The following GPR75 variants were observed in gnomAD, a reference collection of about 807,000 sequenced individuals.
GPR75 encodes probable G protein-coupled receptor 75.
Under a neutral mutation model 26.0 loss-of-function variants are expected in GPR75, and 27 were observed. The observed-to-expected ratio is 1.04, with a 90% confidence interval of 0.77 to 1.43. GPR75 has a LOEUF of 1.43. Among genes scored for constraint, GPR75 ranks in the 40% most tolerant of loss-of-function variants. The probability of loss-of-function intolerance (pLI) is 0.00; values close to 1 mark genes in which losing one functional copy is unlikely to be tolerated. For synonymous variants in GPR75, 285 were observed against 256.3 expected (o/e 1.11, Z -1.07); for missense variants, 699 against 662.3 (o/e 1.06, Z -0.61).
intron 1 of GPR75, among the ~76,000 whole-genome samples, chr2:53,857,188 C>T (rs943276945): frequency 6.6e-5 from 10 of 150,804 alleles, no homozygotes; most frequent in East Asian, 1.9e-4. Flanking sequence ...AGGATGGTCT[C>T]GATCTCCTGA....
chr2:53,858,328 C>A (rs1678284148), intron 1 of GPR75, among the ~76,000 whole-genome samples: 1 of 151,808 alleles, frequency 6.6e-6, no homozygotes, highest in Non-Finnish European at 1.5e-5. Context: ...AATCCCTTCC[C>A]CACTGAAACT....
rs758760938 is a variant in GPR75, at chr2:53,854,674, G to A, written c.83C>T (p.Ser28Phe). The change falls in exon 2 of 2, where the codon TCT becomes TTT. Residue 28 changes from serine to phenylalanine, a missense_variant. Transcript: ENST00000394705. ...VPHSQEGNST[S>F]LQEGLQDLIH... Reference sequence around the variant, plus strand: ...GAGATCCTGAAGACCCTCCTGGAGAGAGGTGCTGTTTCCTTCCTGTGAGTG... The same window carrying A: ...GAGATCCTGAAGACCCTCCTGGAGAAAGGTGCTGTTTCCTTCCTGTGAGTG... The A allele has an allele frequency of 1.2e-6, 2 of 1,614,050 alleles. No homozygotes were observed. The highest frequency in any genetic ancestry group is 1.6e-4 in the Middle Eastern group (1 of 6,062).
intron 1 of GPR75, among the ~76,000 whole-genome samples, chr2:53,859,305 T>C (rs1471094739): frequency 1.3e-5 from 2 of 152,002 alleles, no homozygotes; most frequent in Non-Finnish European, 2.9e-5. Flanking sequence ...AAGGTCATTA[T>C]CTGATTTCAA....
rs1414994381 is a variant in GPR75, at chr2:53,853,296, G to C, written c.1461C>G (p.Asn487Lys). The part of the protein sequence containing the change: ...TRIEPYYSIY[N>K]SSPSQEESSP... The stretch of plus-strand genomic sequence containing the variant: ...TGCTCTCCTCCTGGGAAGGGCTGCT[G>C]TTATAGATGCTGTAGTAAGGTTCAA... The change falls in exon 2 of 2, where the codon AAC (asparagine) becomes AAG (lysine). Residue 487 changes from asparagine (N) to lysine (K), a missense_variant. By Grantham distance (94) the Asn-to-Lys change is moderately conservative. Transcript: ENST00000394705. 6.2e-7 allele frequency: 1 copy of C among 1,614,206 alleles called. No homozygotes were observed. Among genetic ancestry groups the C allele is most frequent in the Non-Finnish European group, 8.5e-7 (1 of 1,180,024 alleles).
rs10665107 is a variant in GPR75, at chr2:53,856,946, A to ATTTTTTTTTT, written c.-109-2091_-109-2082dup. Among the ~76,000 whole-genome samples, 149 of 78,960 alleles carry ATTTTTTTTTT rather than the reference A, an allele frequency of 1.9e-3. 8 individuals carry two copies. Among genetic ancestry groups the ATTTTTTTTTT allele is most frequent in the African/African-American group, 3.2e-3 (65 of 20,216 alleles). The allele number at this position is 78,960 out of a possible 152,430, so 51.8% of individuals were successfully genotyped here. On this transcript the variant is annotated intron_variant, in intron 1 of 1. Coordinates refer to ENST00000394705, the MANE Select transcript of GPR75 (RefSeq NM_006794.4). ...TGATACCTATATAATGAGAAAGACA[A>ATTTTTTTTTT]TTTTTTTTTTTTTTTTTTTTTTTTT...
In GPR75 at chr2:53,855,921, G is replaced by C. The variant is rs143067974; in HGVS notation, c.-109-1056C>G. Among the ~76,000 whole-genome samples, 241 of 152,254 alleles carry C rather than the reference G, an allele frequency of 1.6e-3. 2 individuals carry two copies. Among genetic ancestry groups the C allele is most frequent in the African/African-American group, 5.6e-3 (232 of 41,530 alleles). On this transcript the variant is annotated intron_variant, in intron 1 of 1. Transcript: ENST00000394705. ...GGACTACATGTGAGACGGAAAACTG[G>C]AAGTAACCAAGGATGTTGGAATTAT...
In GPR75 at chr2:53,854,225, A is replaced by G. The variant is rs1434922929; in HGVS notation, c.532T>C (p.Leu178=). The part of the protein sequence containing the change: ...LWATSFTLAT[L]ATLKTSKSHL... ...GACTTGCTGGTTTTCAAGGTAGCCA[A>G]GGTGGCAAGGGTGAAACTGGTGGCC... The change falls in exon 2 of 2, where the codon TTG becomes CTG. Residue 178 remains leucine, a synonymous_variant. Coordinates refer to ENST00000394705, the MANE Select transcript of GPR75 (RefSeq NM_006794.4). 17 of 1,614,028 alleles carry G rather than the reference A, an allele frequency of 1.1e-5. No homozygotes were observed. Among genetic ancestry groups the G allele is most frequent in the African/African-American group, 5.3e-5 (4 of 74,922 alleles).
At chr2:53,859,608 G>C (rs1394512947) in intron 1 of GPR75, among the ~76,000 whole-genome samples, 1 of 150,918 alleles carries the variant, frequency 6.6e-6, no homozygotes, top group African/African-American at 2.4e-5. Context: ...GCCAGGGTAG[G>C]GGCGGTGGGT....
chr2:53,856,739 C>T (rs1447835351), intron 1 of GPR75, among the ~76,000 whole-genome samples: 1 of 152,088 alleles, frequency 6.6e-6, no homozygotes, highest in African/African-American at 2.4e-5. Context: ...CAGATCAGGA[C>T]GATATGGTGA....
In GPR75 at chr2:53,854,296, C is replaced by A. The variant is rs374900687; in HGVS notation, c.461G>T (p.Arg154Leu). 31 of 1,613,792 alleles carry A rather than the reference C, an allele frequency of 1.9e-5. No individual in the cohort carries two copies. The highest frequency in any genetic ancestry group is 1.6e-4 in the Middle Eastern group (1 of 6,084). ...TACGGTGCAGGGAAAGGAGGCCGTG[C>A]GATTAGGCTGTTTCCCCAACACCAT... ...LRMVLGKQPN[R>L]TASFPCTVLL... is the part of the protein sequence containing the mutation. The change falls in exon 2 of 2, where the codon CGC (arginine) becomes CTC (leucine). Residue 154 changes from arginine to leucine, a missense_variant. Coordinates refer to ENST00000394705, the MANE Select transcript of GPR75 (RefSeq NM_006794.4).
intron 1 of GPR75, among the ~76,000 whole-genome samples, chr2:53,859,353 C>T (rs1027222070): frequency 6.6e-6 from 1 of 152,010 alleles, no homozygotes; most frequent in African/African-American, 2.4e-5. Flanking sequence ...CTACATTGAA[C>T]CCGGAGCAGC....
rs536503724 is a variant in GPR75, at chr2:53,852,980, A to C, written c.*154T>G. On this transcript the variant is annotated 3_prime_UTR_variant, in exon 2 of 2. Transcript: ENST00000394705. ...TCAACAAACTACAAAGCAAATCAAC[A>C]GATACTGACACATCAGATGAAAGAA... 47 of 587,000 alleles carry C rather than the reference A, an allele frequency of 8.0e-5. No homozygotes were observed. The highest frequency in any genetic ancestry group is 6.8e-4 in the African/African-American group (37 of 54,044). 36.4% of individuals were successfully genotyped at this position (587,000 alleles called of 1,614,324 possible). A position where few individuals can be genotyped will look rare whatever the true frequency, so the allele number is the denominator to read the frequency against.
chr2:53,853,842 G>C lies in GPR75; in HGVS notation c.915C>G (p.Leu305=), dbSNP rs147356484. 7 of 1,614,150 alleles carry C rather than the reference G, an allele frequency of 4.3e-6. No individual in the cohort carries two copies. The African/African-American group carries it at 6.7e-5, about 15-fold the overall frequency. The change falls in exon 2 of 2, where the codon CTC becomes CTG. Residue 305 remains leucine, a synonymous_variant. Transcript: ENST00000394705. ...CAGTGGAGAGGTTGATGGCTGATAC[G>C]AGCTGGAGTCGGCTTGCTGCAGGGG... ...LVTPAASRLQ[L]VSAINLSTAK...
In GPR75 at chr2:53,854,189, G is replaced by A; in HGVS notation, c.568C>T (p.Leu190Phe). The A allele has an allele frequency of 6.2e-7, 1 of 1,614,156 alleles. No homozygotes were observed. The highest frequency in any genetic ancestry group is 1.1e-5 in the South Asian group (1 of 91,086). Residue 190 changes from leucine (L) to phenylalanine (F), a missense_variant, in exon 2 of 2, where the codon CTT (leucine) becomes TTT (phenylalanine). Leu to Phe is a conservative substitution (Grantham distance 22, BLOSUM62 0). Transcript: ENST00000394705. ...CCAGCAATCAGACTGGACATGGGAAGACAGAGGTGGGACTTGCTGGTTTTC... is the reference window on the plus strand; with the variant it reads ...CCAGCAATCAGACTGGACATGGGAAAACAGAGGTGGGACTTGCTGGTTTTC... Reference protein sequence around the residue: ...TLKTSKSHLCLPMSSLIAGKG... With the variant: ...TLKTSKSHLCFPMSSLIAGKG...
chr2:53,855,118 G>GCT (rs1428104122), intron 1 of GPR75, among the ~76,000 whole-genome samples: 6 of 151,114 alleles, frequency 4.0e-5, no homozygotes, highest in Non-Finnish European at 5.9e-5. Flanking sequence ...ACCAAACCCA[G>GCT]CTCTCTCTCT....
At chr2:53,858,050 TTGA>T (rs1250694147) in intron 1 of GPR75, among the ~76,000 whole-genome samples, 2 of 152,208 alleles carry the variant, frequency 1.3e-5, no homozygotes, top group Non-Finnish European at 2.9e-5. Context: ...CCTGAAATAC[TTGA>T]TATAACATCT....
In GPR75 at chr2:53,853,556, A is replaced by G; in HGVS notation, c.1201T>C (p.Cys401Arg). Residue 401 changes from cysteine (C) to arginine (R), a missense_variant, in exon 2 of 2, where the codon TGC (cysteine) becomes CGC (arginine). Coordinates refer to ENST00000394705, the MANE Select transcript of GPR75 (RefSeq NM_006794.4). ...LQYIGLGFFCCKQKTRLRAMG... is the reference protein window; with the variant it reads ...LQYIGLGFFCRKQKTRLRAMG... Reference sequence around the variant, plus strand: ...GCTCGAAGTCGAGTCTTTTGTTTGCAGCAGAAAAAACCCAGGCCTATGTAT... The same window carrying G: ...GCTCGAAGTCGAGTCTTTTGTTTGCGGCAGAAAAAACCCAGGCCTATGTAT... 1 of 1,614,170 alleles carries G rather than the reference A, an allele frequency of 6.2e-7. No homozygotes were observed. Among genetic ancestry groups the G allele is most frequent in the Non-Finnish European group, 8.5e-7 (1 of 1,180,038 alleles).
chr2:53,854,938 C>G, intron 1 of GPR75, 73 bp from the exon 2 acceptor site: 1 of 592,104 alleles, frequency 1.7e-6, no homozygotes, highest in Non-Finnish European at 3.0e-6. Flanking sequence ...ATACAGTGAT[C>G]TCATTATTAG....
Position 53,859,924 on chromosome 2 carries a change from G to A in GPR75, c.-206C>T. 7 of 1,503,654 alleles carry A rather than the reference G, an allele frequency of 4.7e-6. No homozygotes were observed. The highest frequency in any genetic ancestry group is 1.2e-5 in the South Asian group (1 of 80,842). 93.1% of individuals were successfully genotyped at this position (1,503,654 alleles called of 1,614,324 possible). A position where few individuals can be genotyped will look rare whatever the true frequency, so the allele number is the denominator to read the frequency against. On this transcript the variant is annotated 5_prime_UTR_variant, in exon 1 of 2. Transcript: ENST00000394705. ...ATGATGCAGGACTAGAGGCATCATC[G>A]CCATCGCCACCGCCTCCGCGCATCC...
Sources: allele counts gnomAD v4.1 joint callset (sites outside exome capture counted in the v4.1 genomes callset), GRCh38; gene constraint gnomAD v4.1.1; transcripts MANE v1.5; gene names NCBI Gene and HGNC (gene_info 2026-07-23, HGNC 2026-07-21).